The following TYR variants were observed in gnomAD, a reference collection of about 807,000 sequenced individuals.
TYR encodes LB24-AB.
TYR carries 58 observed loss-of-function variants against 51.5 expected under a neutral mutation model. That is an observed-to-expected ratio of 1.13 (90% CI 0.91 to 1.40). The LOEUF (loss-of-function observed/expected upper bound fraction) is 1.40, where lower values mean the gene tolerates loss of function less well. Among genes scored for constraint, TYR ranks in the 40% most tolerant of loss-of-function variants. The pLI is 0.00. For missense variants in TYR, 732 were observed against 647.4 expected (o/e 1.13, Z -1.42); for synonymous variants, 263 against 235.2 (o/e 1.12, Z -1.08).
In TYR at chr11:89,274,054, G is replaced by A. The variant is rs1590893804; in HGVS notation, c.1185-10719G>A. Among the ~76,000 whole-genome samples, 3 of 151,944 alleles carry A rather than the reference G, an allele frequency of 2.0e-5. No homozygotes were observed. The South Asian group carries it at 6.2e-4, about 32-fold the overall frequency. On this transcript the variant is annotated intron_variant, in intron 3 of 4. Transcript: ENST00000263321. ...GACTTAAAAATTTGAATTTTACAGA[G>A]ACACAGTTTAGCTCATAATATGTTA...
intron 4 of TYR, among the ~76,000 whole-genome samples, chr11:89,291,787 G>A (rs1183741361): frequency 6.6e-6 from 1 of 151,816 alleles, no homozygotes; most frequent in Non-Finnish European, 1.5e-5. Flanking sequence ...CTAAATAATA[G>A]GGAAATATTA....
In TYR at chr11:89,241,930, A is replaced by G. The variant is rs181134395; in HGVS notation, c.1184+13960A>G. 4.0e-3 allele frequency among the ~76,000 whole-genome samples: 598 copies of G among 150,952 alleles called. 5 individuals carry two copies. The highest frequency in any genetic ancestry group is 0.014 in the African/African-American group (574 of 41,324). On this transcript the variant is annotated intron_variant, in intron 3 of 4. Coordinates refer to ENST00000263321, the MANE Select transcript of TYR (RefSeq NM_000372.5). Reference sequence around the variant, plus strand: ...AGATGAGAAGACTGAAGATAAAGAAAAAATAATTCACTTTTCTTTAAATGG... The same window carrying G: ...AGATGAGAAGACTGAAGATAAAGAAGAAATAATTCACTTTTCTTTAAATGG...
chr11:89,292,404 G>T (rs929827506), intron 4 of TYR, among the ~76,000 whole-genome samples: 7 of 152,100 alleles, frequency 4.6e-5, no homozygotes, highest in African/African-American at 7.2e-5. Context: ...TAATGTGACG[G>T]GTATGATAAT....
intron 3 of TYR, among the ~76,000 whole-genome samples, chr11:89,250,324 G>A (rs540578278): frequency 8.2e-4 from 124 of 151,750 alleles, no homozygotes; most frequent in Non-Finnish European, 1.3e-3. Flanking sequence ...GAAGGCGGAG[G>A]CAAAGAAAGA....
chr11:89,260,161 T>G (rs1159361690), intron 3 of TYR, among the ~76,000 whole-genome samples: 1 of 151,936 alleles, frequency 6.6e-6, no homozygotes, highest in Non-Finnish European at 1.5e-5. Flanking sequence ...TGCAGTAGTT[T>G]CTCATCTACT....
At chr11:89,196,911 A>C (rs928727146) in intron 2 of TYR, among the ~76,000 whole-genome samples, 1 of 152,196 alleles carries the variant, frequency 6.6e-6, no homozygotes, top group Non-Finnish European at 1.5e-5. Context: ...ATGGAAGTAC[A>C]AAAAAATACA....
chr11:89,230,822 A>T (rs1944036708), intron 3 of TYR, among the ~76,000 whole-genome samples: 1 of 151,888 alleles, frequency 6.6e-6, no homozygotes, highest in African/African-American at 2.4e-5. Flanking sequence ...TCAAAACCAC[A>T]ATGAGATAAT....
chr11:89,228,531 T>C (rs1944004848), intron 3 of TYR, among the ~76,000 whole-genome samples: 1 of 152,210 alleles, frequency 6.6e-6, no homozygotes. Flanking sequence ...CATGTGGGCC[T>C]GGCACTAACC....
chr11:89,193,358 A>T (rs974846067), intron 2 of TYR, among the ~76,000 whole-genome samples: 5 of 151,936 alleles, frequency 3.3e-5, no homozygotes, highest in Admixed American at 6.6e-5. Context: ...AAGATGTGTC[A>T]ACTCAGCCAG....
At chr11:89,273,466 C>A (rs1470234699) in intron 3 of TYR, among the ~76,000 whole-genome samples, 1 of 151,562 alleles carries the variant, frequency 6.6e-6, no homozygotes, top group African/African-American at 2.4e-5. Flanking sequence ...TTGTGGCAAC[C>A]CAAAACAATT....
At chr11:89,274,310 C>A (rs1291108000) in intron 3 of TYR, among the ~76,000 whole-genome samples, 2 of 151,848 alleles carry the variant, frequency 1.3e-5, no homozygotes, top group Non-Finnish European at 2.9e-5. Context: ...TCACAAATAG[C>A]AAAAATTTGC....
At chr11:89,227,760 T>A in intron 2 of TYR, 63 bp from the exon 3 acceptor site, 1 of 1,399,712 alleles carries the variant, frequency 7.1e-7, no homozygotes, top group Non-Finnish European at 1.0e-6. Flanking sequence ...TCAAATGGGA[T>A]AATCACATAG....
intron 3 of TYR, among the ~76,000 whole-genome samples, chr11:89,283,273 T>A (rs1224136842): frequency 3.3e-5 from 5 of 151,836 alleles, no homozygotes; most frequent in Non-Finnish European, 5.9e-5. Context: ...CAAGTTCAGA[T>A]CCTCTAATAA....
At chr11:89,220,879 T>A (rs548571026) in intron 2 of TYR, among the ~76,000 whole-genome samples, 5 of 152,336 alleles carry the variant, frequency 3.3e-5, no homozygotes. Flanking sequence ...GAAGGTGTAG[T>A]AATAGCAGTA....
chr11:89,277,756 T>C (rs1291544957), intron 3 of TYR, among the ~76,000 whole-genome samples: 1 of 151,674 alleles, frequency 6.6e-6, no homozygotes, highest in Non-Finnish European at 1.5e-5. Flanking sequence ...CCCTCAGTTG[T>C]ACTGCTTGGA....
At chr11:89,283,119 A>T (rs1365313055) in intron 3 of TYR, among the ~76,000 whole-genome samples, 1 of 151,850 alleles carries the variant, frequency 6.6e-6, no homozygotes. Context: ...TACAGTAGAT[A>T]CTCAGTAAAT....
rs547058090 is a variant in TYR, at chr11:89,178,471, A to G, written c.518A>G (p.Tyr173Cys). Reference protein sequence around the residue: ...STPMFNDINIYDLFVWMHYYV... With the variant: ...STPMFNDINICDLFVWMHYYV... ...CCCATGTTTAACGACATCAATATTT[A>G]TGACCTCTTTGTCTGGATGCATTAT... The change falls in exon 1 of 5, where the codon TAT (tyrosine) becomes TGT (cysteine). Residue 173 changes from tyrosine (Y) to cysteine (C), a missense_variant. Transcript: ENST00000263321. 1 of 1,614,182 alleles carries G rather than the reference A, an allele frequency of 6.2e-7. No homozygotes were observed. Among genetic ancestry groups the G allele is most frequent in the East Asian group, 2.2e-5 (1 of 44,878 alleles).
intron 3 of TYR, among the ~76,000 whole-genome samples, chr11:89,281,139 C>A (rs1486827570): frequency 6.6e-6 from 1 of 151,638 alleles, no homozygotes; most frequent in Non-Finnish European, 1.5e-5. Context: ...CTCTGCCCCT[C>A]TATTTGCTTC....
At chr11:89,267,646 G>A (rs1469696666) in intron 3 of TYR, among the ~76,000 whole-genome samples, 1 of 151,964 alleles carries the variant, frequency 6.6e-6, no homozygotes, top group African/African-American at 2.4e-5. Flanking sequence ...ATTATCAACT[G>A]TGTACAGGCA....
Sources: allele counts gnomAD v4.1 joint callset (sites outside exome capture counted in the v4.1 genomes callset), GRCh38; gene constraint gnomAD v4.1.1; transcripts MANE v1.5; gene names NCBI Gene and HGNC (gene_info 2026-07-23, HGNC 2026-07-21).